The following PHF24 variants were observed in gnomAD, a reference collection of about 807,000 sequenced individuals.
PHF24 encodes PHD finger protein 24.
PHF24 carries 25 observed loss-of-function variants against 42.6 expected under a neutral mutation model. That is an observed-to-expected ratio of 0.59 (90% confidence interval 0.43 to 0.82). The LOEUF (loss-of-function observed/expected upper bound fraction) is 0.82. Among genes scored for constraint, PHF24 ranks in the 40% least tolerant of loss-of-function variants. The pLI, the probability that PHF24 is intolerant of heterozygous loss-of-function variation, is 0.00. For synonymous variants in PHF24, 185 were observed against 204.8 expected (o/e 0.90, Z 0.83); for missense variants, 470 against 538.1 (o/e 0.87, Z 1.25).
Position 34,970,248 on chromosome 9 carries a change from G to T in PHF24, c.-4-1047G>T, listed in dbSNP as rs918371476. On this transcript the variant is annotated intron_variant, in intron 1 of 7. Coordinates refer to ENST00000242315, the Ensembl canonical transcript of PHF24. ...CCCTGTCATGCCCTCACTGTCCAAT[G>T]CTGTGCTCTGGTACCACAGAGAAGA... Among the ~76,000 whole-genome samples the T allele has an allele frequency of 2.6e-5, 4 of 152,312 alleles. No homozygotes were observed. In the East Asian group the frequency reaches 7.7e-4, roughly 29 times the overall value.
At chr9:34,734,290 C>A in the PHF24 span, among the ~76,000 whole-genome samples, 116 of 152,338 alleles carry the variant, frequency 7.6e-4, no homozygotes, top group African/African-American at 2.6e-3. Context: ...TAAAGGCCAA[C>A]TGTAGCCCAG....
At chr9:34,721,861 T>C in the PHF24 span, among the ~76,000 whole-genome samples, 1 of 152,198 alleles carries the variant, frequency 6.6e-6, no homozygotes, top group Admixed American at 6.5e-5. Flanking sequence ...ATGCAGTTGA[T>C]CTCTCCTTGA....
the PHF24 span, among the ~76,000 whole-genome samples, chr9:34,671,068 C>T: frequency 6.6e-6 from 1 of 152,198 alleles, no homozygotes; most frequent in Admixed American, 6.5e-5. Flanking sequence ...CCTGGCCCAG[C>T]CAGCACTGTC....
the PHF24 span, among the ~76,000 whole-genome samples, chr9:34,774,636 G>T: frequency 6.6e-6 from 1 of 152,032 alleles, no homozygotes; most frequent in African/African-American, 2.4e-5. Context: ...TACTGGGAGC[G>T]GTGGCGGGCA....
chr9:34,833,620 G>T, the PHF24 span: 5 of 1,540,064 alleles, frequency 3.2e-6, no homozygotes, highest in East Asian at 1.2e-4. Flanking sequence ...TTTTTCTCAG[G>T]TGGAAGTTTA....
the PHF24 span, among the ~76,000 whole-genome samples, chr9:34,805,902 C>G: frequency 2.0e-5 from 3 of 152,162 alleles, no homozygotes. Context: ...GGTCCAAATT[C>G]ATCCTTTTGT....
the PHF24 span, chr9:34,832,294 G>C: frequency 1.7e-6 from 1 of 597,868 alleles, no homozygotes. Context: ...AGGGTTAGGA[G>C]CTAGGGTGGG....
At chr9:34,675,818 T>A in the PHF24 span, among the ~76,000 whole-genome samples, 1 of 151,764 alleles carries the variant, frequency 6.6e-6, no homozygotes, top group Non-Finnish European at 1.5e-5. Context: ...CTCTGCTATG[T>A]GGTTGGAGAT....
the PHF24 span, among the ~76,000 whole-genome samples, chr9:34,875,225 G>T: frequency 6.6e-6 from 1 of 152,080 alleles, no homozygotes; most frequent in Non-Finnish European, 1.5e-5. Context: ...TCTTAAGCTT[G>T]AGAATTCTGT....
At chr9:34,969,473 C>G (rs1219695278) in intron 1 of PHF24, among the ~76,000 whole-genome samples, 3 of 151,952 alleles carry the variant, frequency 2.0e-5, no homozygotes, top group African/African-American at 7.3e-5. Flanking sequence ...AACCCCGTCT[C>G]TACTAAAAAT....
upstream of PHF24, among the ~76,000 whole-genome samples, chr9:34,957,218 G>C (rs7031733): frequency 0.44 from 67,071 of 151,812 alleles, 15,187 homozygotes; most frequent in East Asian, 0.61. Context: ...TTTTTATATC[G>C]CACCAGGGTA....
At chr9:34,751,320 G>A in the PHF24 span, among the ~76,000 whole-genome samples, 1 of 152,122 alleles carries the variant, frequency 6.6e-6, no homozygotes. Context: ...AGAAGAGATT[G>A]TGCCATTGCA....
At chr9:34,709,444 G>A in the PHF24 span, 1 of 1,612,904 alleles carries the variant, frequency 6.2e-7, no homozygotes, top group Non-Finnish European at 8.5e-7. Context: ...GGGCAGAAGA[G>A]GGGTGTGAGG....
the PHF24 span, among the ~76,000 whole-genome samples, chr9:34,847,025 A>G: frequency 3.3e-5 from 5 of 152,320 alleles, no homozygotes; most frequent in South Asian, 1.0e-3. Context: ...GTTTGAAGTC[A>G]GGTAGCGTGA....
chr9:34,718,265 G>T, the PHF24 span, among the ~76,000 whole-genome samples: 1 of 152,156 alleles, frequency 6.6e-6, no homozygotes, highest in African/African-American at 2.4e-5. Context: ...GCAGAAAAGG[G>T]GGGCAGTTGG....
chr9:34,968,891 A>T (rs970228463), intron 1 of PHF24, among the ~76,000 whole-genome samples: 2 of 152,248 alleles, frequency 1.3e-5, no homozygotes, highest in Non-Finnish European at 2.9e-5. Context: ...TGAATATGTA[A>T]TGATGAAGGT....
At chr9:34,689,965 G>T in the PHF24 span, 3 of 1,614,130 alleles carry the variant, frequency 1.9e-6, no homozygotes, top group Middle Eastern at 1.7e-4. This position sits in a 1 kb window ranked among gnomAD's most constrained non-coding sequence, Gnocchi z 4.1. Context: ...TGGATGATGC[G>T]TTCTACCCAG....
At chr9:34,807,453 A>G in the PHF24 span, among the ~76,000 whole-genome samples, 3 of 152,366 alleles carry the variant, frequency 2.0e-5, no homozygotes, top group South Asian at 6.2e-4. Flanking sequence ...AAGATTCAAG[A>G]AAAGCCGTGG....
chr9:34,686,977 A>G, the PHF24 span, among the ~76,000 whole-genome samples: 1 of 151,778 alleles, frequency 6.6e-6, no homozygotes, highest in South Asian at 2.1e-4. Flanking sequence ...AGTTGCTCCA[A>G]TTGCTCAGAT....
Sources: allele counts gnomAD v4.1 joint callset (sites outside exome capture counted in the v4.1 genomes callset), GRCh38; gene constraint gnomAD v4.1.1; non-coding constraint Gnocchi (gnomAD v3.1); transcripts MANE v1.5; gene names NCBI Gene and HGNC (gene_info 2026-07-23, HGNC 2026-07-21).